Variants in NRXN3 observed in about 807,000 individuals in gnomAD.
The protein encoded by NRXN3 is neurexin III.
NRXN3 carries 32 observed loss-of-function variants against 137.6 expected under a neutral mutation model. The observed-to-expected ratio is 0.23, with a 90% confidence interval of 0.18 to 0.31. The LOEUF is 0.31. Among genes scored for constraint, NRXN3 ranks in the 10% least tolerant of loss-of-function variants. The pLI is 1.00. For synonymous variants in NRXN3, 798 were observed against 784.5 expected (o/e 1.02, Z -0.29); for missense variants, 1,574 against 2,062.5 (o/e 0.76, Z 4.59).
At chr14:79,351,810 T>C (rs2093221135) in intron 15 of NRXN3, among the ~76,000 whole-genome samples, 1 of 152,186 alleles carries the variant, frequency 6.6e-6, no homozygotes, top group Non-Finnish European at 1.5e-5. Flanking sequence ...GCAGAGTGCA[T>C]ATTTTAACTT....
chr14:79,343,602 G>T (rs1426187007), intron 15 of NRXN3, among the ~76,000 whole-genome samples: 1 of 152,132 alleles, frequency 6.6e-6, no homozygotes, highest in African/African-American at 2.4e-5. Context: ...ACCAAGGCTA[G>T]ATCCTTGTGT....
rs571413896 is a variant in NRXN3 at position 79,681,298 on chromosome 14, C to T, written c.3617-10875C>T. On this transcript the variant is annotated intron_variant, in intron 17 of 20. Coordinates refer to ENST00000335750, the MANE Select transcript of NRXN3 (RefSeq NM_001330195.2). ...AGATAGTGTTTCCTTTACCCACTCT[C>T]GGACCCCTGTTCTTCCTGGATCTCC... Among the ~76,000 whole-genome samples the T allele has an allele frequency of 1.8e-4, 27 of 152,240 alleles. No homozygotes were observed. In the South Asian group the frequency reaches 2.1e-3, roughly 12 times the overall value.
intron 15 of NRXN3, among the ~76,000 whole-genome samples, chr14:79,087,790 AT>A (rs2048403472): frequency 6.6e-6 from 1 of 152,192 alleles, no homozygotes; most frequent in African/African-American, 2.4e-5. Context: ...TGAGCAAGAA[AT>A]ATCAGGCAAC....
chr14:78,259,838 G>A (rs1288216957), intron 2 of NRXN3, among the ~76,000 whole-genome samples: 1 of 152,120 alleles, frequency 6.6e-6, no homozygotes, highest in East Asian at 1.9e-4. Flanking sequence ...CAGCTGTGTT[G>A]TGTGTTGCTG....
chr14:78,583,437 AC>A (rs1032727325), intron 4 of NRXN3, among the ~76,000 whole-genome samples: 3 of 151,902 alleles, frequency 2.0e-5, no homozygotes, highest in African/African-American at 4.8e-5. Context: ...CAAAAAAAAA[AC>A]AAACCCCAAA....
intron 1 of NRXN3, among the ~76,000 whole-genome samples, chr14:78,174,971 T>C (rs2059126712): frequency 1.3e-5 from 2 of 152,070 alleles, no homozygotes; most frequent in Non-Finnish European, 2.9e-5. Context: ...GTGGTCTTGC[T>C]CCCCTGGCAT....
chr14:79,081,846 T>C (rs1461568259), intron 15 of NRXN3, among the ~76,000 whole-genome samples: 1 of 152,116 alleles, frequency 6.6e-6, no homozygotes, highest in Non-Finnish European at 1.5e-5. Context: ...TTATGGTTAC[T>C]GTTAGGCACT....
chr14:79,813,538 T>C (rs991024304), intron 20 of NRXN3, among the ~76,000 whole-genome samples: 3 of 152,152 alleles, frequency 2.0e-5, no homozygotes, highest in Non-Finnish European at 4.4e-5. Context: ...CTGAGAGATA[T>C]ATAGATATAC....
chr14:79,049,057 A>T (rs1475709518), intron 15 of NRXN3, among the ~76,000 whole-genome samples: 5,691 of 55,374 alleles, frequency 0.1, 531 homozygotes, highest in Middle Eastern at 0.16. Context: ...AAAAAAAAAA[A>T]AAAAAAAAAA....
chr14:78,484,552 A>G (rs1354274899), intron 4 of NRXN3, among the ~76,000 whole-genome samples: 3 of 152,104 alleles, frequency 2.0e-5, no homozygotes, highest in African/African-American at 7.2e-5. Flanking sequence ...GAATTGTCCC[A>G]GGTTGGCCAT....
chr14:78,358,490 G>T (rs538568105), intron 4 of NRXN3, among the ~76,000 whole-genome samples: 1 of 152,260 alleles, frequency 6.6e-6, no homozygotes, highest in South Asian at 2.1e-4. Context: ...ATTCTGAGCG[G>T]GCTGGTATAA....
intron 4 of NRXN3, among the ~76,000 whole-genome samples, chr14:78,316,511 G>C (rs775266442): frequency 6.6e-6 from 1 of 152,152 alleles, no homozygotes; most frequent in Non-Finnish European, 1.5e-5. Flanking sequence ...AAAGGTGTTT[G>C]TTTGTTTGTT....
chr14:78,884,466 T>G (rs1453408613), intron 10 of NRXN3, among the ~76,000 whole-genome samples: 3 of 152,290 alleles, frequency 2.0e-5, no homozygotes, highest in Non-Finnish European at 4.4e-5. Context: ...GCAAACTCAC[T>G]GACATTTCCA....
intron 10 of NRXN3, among the ~76,000 whole-genome samples, chr14:78,914,216 A>G (rs551811200): frequency 6.6e-6 from 1 of 152,344 alleles, no homozygotes; most frequent in East Asian, 1.9e-4. Flanking sequence ...TTAGAAGGAA[A>G]GGAAGATGAT....
chr14:78,494,394 A>G (rs1043917155), intron 4 of NRXN3, among the ~76,000 whole-genome samples: 3 of 149,890 alleles, frequency 2.0e-5, no homozygotes, highest in African/African-American at 7.3e-5. Context: ...GTAAGACCTC[A>G]TGGCTTGAAA....
intron 10 of NRXN3, among the ~76,000 whole-genome samples, chr14:78,815,715 C>A (rs1244651025): frequency 6.6e-6 from 1 of 151,988 alleles, no homozygotes; most frequent in African/African-American, 2.4e-5. Flanking sequence ...CTTTACGAAT[C>A]GTTTATCTGA....
intron 16 of NRXN3, among the ~76,000 whole-genome samples, chr14:79,577,852 G>A (rs1486236837): frequency 6.6e-6 from 1 of 152,186 alleles, no homozygotes; most frequent in African/African-American, 2.4e-5. Context: ...TCTTACATCT[G>A]TTTGCACAGC....
chr14:79,253,140 G>C (rs1479560197), intron 15 of NRXN3, among the ~76,000 whole-genome samples: 1 of 152,140 alleles, frequency 6.6e-6, no homozygotes, highest in Non-Finnish European at 1.5e-5. Context: ...TCCTAGATCT[G>C]TTCTCCTGCC....
Position 78,419,986 on chromosome 14 carries a change from C to CACACAGA in NRXN3, c.757+122126_757+122127insACACAGA, listed in dbSNP as rs10676901. ...GCACACACACACACACACACACACA[C>CACACAGA]GTAAAGTCCTGACTACCAGTGATAA... On this transcript the variant is annotated intron_variant, in intron 4 of 20. Transcript: ENST00000335750. Among the ~76,000 whole-genome samples the CACACAGA allele has an allele frequency of 6.5e-4, 97 of 150,224 alleles. 2 individuals are homozygous for CACACAGA. The highest frequency in any genetic ancestry group is 2.5e-3 in the South Asian group (12 of 4,768).
Sources: allele counts gnomAD v4.1 joint callset (sites outside exome capture counted in the v4.1 genomes callset), GRCh38; gene constraint gnomAD v4.1.1; transcripts MANE v1.5; gene names NCBI Gene and HGNC (gene_info 2026-07-23, HGNC 2026-07-21).